FOXN3: variants seen among roughly 807,000 people sequenced by gnomAD.
FOXN3 encodes the protein forkhead box protein N3.
A neutral mutation model predicts 38.4 loss-of-function variants in FOXN3; 7 were observed. The ratio of observed to expected loss-of-function variants is 0.18; its 90% confidence interval spans 0.10 to 0.34. The LOEUF (loss-of-function observed/expected upper bound fraction) is 0.34, where lower values mean the gene tolerates loss of function less well. Among genes scored for constraint, FOXN3 ranks in the 10% least tolerant of loss-of-function variants. The pLI is 1.00. For synonymous variants in FOXN3, 230 were observed against 242.2 expected (o/e 0.95, Z 0.47); for missense variants, 456 against 613.4 (o/e 0.74, Z 2.71).
Position 89,521,358 on chromosome 14 carries a change from T to TAGAGAGAGAGAG in FOXN3, c.-15+97658_-15+97669dup, listed in dbSNP as rs199686142. On this transcript the variant is annotated intron_variant, in intron 1 of 6. Coordinates refer to the FOXN3 transcript ENST00000345097. ...ATGATGAATCTTCATAGATGATAGA[T>TAGAGAGAGAGAG]AGAGAGAGAGAGAGAGAGAGAGAGA... Among the ~76,000 whole-genome samples the TAGAGAGAGAGAG allele has an allele frequency of 3.5e-3, 440 of 125,028 alleles. 1 individual carries two copies. Among genetic ancestry groups the TAGAGAGAGAGAG allele is most frequent in the African/African-American group, 0.011 (416 of 37,116 alleles). The allele number at this position is 125,028 out of a possible 152,430, so 82.0% of individuals were successfully genotyped here.
At chr14:89,508,012 A>T (rs1893982395) in intron 1 of FOXN3, among the ~76,000 whole-genome samples, 1 of 152,230 alleles carries the variant, frequency 6.6e-6, no homozygotes, top group South Asian at 2.1e-4. Context: ...TTAGACCTGA[A>T]AACTCCAGGC....
intron 3 of FOXN3, among the ~76,000 whole-genome samples, chr14:89,318,847 T>C (rs929272526): frequency 2.6e-5 from 4 of 152,234 alleles, no homozygotes; most frequent in African/African-American, 9.6e-5. Context: ...GCATCTGTAT[T>C]CTATTTCATG....
At chr14:89,525,328 C>T (rs182601853) in intron 1 of FOXN3, among the ~76,000 whole-genome samples, 83 of 152,236 alleles carry the variant, frequency 5.5e-4, no homozygotes, top group Non-Finnish European at 1.0e-3. Flanking sequence ...ATCCTCACTG[C>T]TCATTATACA....
chr14:89,193,116 T>C (rs1304818794), intron 4 of FOXN3, among the ~76,000 whole-genome samples: 1 of 151,992 alleles, frequency 6.6e-6, no homozygotes, highest in Non-Finnish European at 1.5e-5. Context: ...AAGCAAAAGG[T>C]CTCTGCCATT....
At chr14:89,463,140 T>C (rs1220453740) in intron 1 of FOXN3, among the ~76,000 whole-genome samples, 1 of 151,384 alleles carries the variant, frequency 6.6e-6, no homozygotes, top group Non-Finnish European at 1.5e-5. Context: ...ATACAAAAAA[T>C]TAGCCGGGCG....
chr14:89,320,949 G>T (rs946654232), intron 3 of FOXN3, among the ~76,000 whole-genome samples: 3 of 152,252 alleles, frequency 2.0e-5, no homozygotes, highest in African/African-American at 7.2e-5. Context: ...TATATGCGGG[G>T]AGTTGGGGTC....
intron 3 of FOXN3, among the ~76,000 whole-genome samples, chr14:89,301,990 T>C (rs1322930626): frequency 1.3e-5 from 2 of 152,076 alleles, no homozygotes; most frequent in Admixed American, 6.6e-5. Flanking sequence ...CTTGTGACTC[T>C]CTGCTGTTCG....
intron 3 of FOXN3, among the ~76,000 whole-genome samples, chr14:89,339,622 C>T (rs1888559491): frequency 6.6e-6 from 1 of 152,256 alleles, no homozygotes; most frequent in South Asian, 2.1e-4. Flanking sequence ...TCCTGCTCTA[C>T]TGCGGGCAGG....
At chr14:89,385,503 A>AG (rs1890768534) in intron 2 of FOXN3, among the ~76,000 whole-genome samples, 2 of 149,310 alleles carry the variant, frequency 1.3e-5, no homozygotes, top group Admixed American at 1.3e-4. Flanking sequence ...AACATTTAAA[A>AG]AAAAAAAAAA....
intron 4 of FOXN3, among the ~76,000 whole-genome samples, chr14:89,223,878 C>T (rs925390702): frequency 2.9e-5 from 4 of 136,754 alleles, no homozygotes; most frequent in African/African-American, 1.0e-4. Flanking sequence ...ATTCCTTAAA[C>T]AAGACATCAA....
At chr14:89,271,151 CA>C (rs1886141696) in intron 4 of FOXN3, among the ~76,000 whole-genome samples, 1 of 152,232 alleles carries the variant, frequency 6.6e-6, no homozygotes. Context: ...AACAGGAACA[CA>C]AACTTGACCC....
intron 1 of FOXN3, among the ~76,000 whole-genome samples, chr14:89,427,991 C>T (rs1450168693): frequency 6.6e-6 from 1 of 152,162 alleles, no homozygotes; most frequent in African/African-American, 2.4e-5. Flanking sequence ...AGTGAGTACA[C>T]CAAGTACCAT....
intron 5 of FOXN3, among the ~76,000 whole-genome samples, chr14:89,171,792 G>T (rs549590184): frequency 1.2e-3 from 180 of 152,148 alleles, no homozygotes; most frequent in African/African-American, 4.2e-3. Context: ...TATCAACTGT[G>T]AATCAGTAAC....
At chr14:89,275,147 T>C (rs1176654033) in intron 4 of FOXN3, among the ~76,000 whole-genome samples, 3 of 152,124 alleles carry the variant, frequency 2.0e-5, no homozygotes, top group Non-Finnish European at 4.4e-5. Flanking sequence ...CAACACAGGG[T>C]TCACTTCCAG....
At chr14:89,591,310 G>T (rs887548547) in intron 1 of FOXN3, among the ~76,000 whole-genome samples, 1 of 152,154 alleles carries the variant, frequency 6.6e-6, no homozygotes, top group African/African-American at 2.4e-5. Flanking sequence ...TGCACTGAAT[G>T]GTAAGAGCCC....
chr14:89,268,012 A>G (rs1212994461), intron 4 of FOXN3, among the ~76,000 whole-genome samples: 2 of 152,140 alleles, frequency 1.3e-5, no homozygotes, highest in African/African-American at 4.8e-5. Flanking sequence ...ATCCTTCATA[A>G]TAATACATAC....
intron 3 of FOXN3, among the ~76,000 whole-genome samples, chr14:89,312,469 C>A (rs1176633649): frequency 6.6e-6 from 1 of 151,936 alleles, no homozygotes; most frequent in African/African-American, 2.4e-5. Context: ...TGACAAGACC[C>A]AGGGATGACA....
intron 1 of FOXN3, among the ~76,000 whole-genome samples, chr14:89,466,181 T>C (rs1892972761): frequency 6.6e-6 from 1 of 152,210 alleles, no homozygotes; most frequent in African/African-American, 2.4e-5. Flanking sequence ...CTTCATTTTC[T>C]TCCTTTTCAT....
At chr14:89,545,415 C>G (rs139997764) in intron 1 of FOXN3, among the ~76,000 whole-genome samples, 45 of 152,322 alleles carry the variant, frequency 3.0e-4, no homozygotes, top group Middle Eastern at 3.4e-3. Context: ...TGAAACCAAA[C>G]TGTGCCTACT....
Sources: allele counts gnomAD v4.1 joint callset (sites outside exome capture counted in the v4.1 genomes callset), GRCh38; gene constraint gnomAD v4.1.1; transcripts MANE v1.5; gene names NCBI Gene and HGNC (gene_info 2026-07-23, HGNC 2026-07-21).